ZNF578: variants seen among roughly 807,000 people sequenced by gnomAD.
ZNF578 encodes the protein zinc finger protein 578, also known as Putative chemokine-related protein B42.
Under a neutral mutation model 8.3 loss-of-function variants are expected in ZNF578, and 8 were observed. The observed-to-expected ratio is 0.96, with a 90% CI of 0.56 to 1.74. The LOEUF is 1.74. Among genes scored for constraint, ZNF578 ranks in the 40% most tolerant of loss-of-function variants. The pLI, the probability that ZNF578 is intolerant of heterozygous loss-of-function variation, is 0.00. For synonymous variants in ZNF578, 206 were observed against 232.2 expected (o/e 0.89, Z 1.03); for missense variants, 726 against 707.5 (o/e 1.03, Z -0.30).
At chr19:52,458,273 G>GA (rs1366528464) in intron 2 of ZNF578, 1 of 152,288 alleles carries the variant, frequency 6.6e-6, no homozygotes, top group African/African-American at 2.4e-5. Flanking sequence ...TATTCCTGCA[G>GA]AGACTCTTGT....
At chr19:52,475,565 G>A (rs1453328139) in intron 2 of ZNF578, among the ~76,000 whole-genome samples, 2 of 152,004 alleles carry the variant, frequency 1.3e-5, no homozygotes, top group Admixed American at 6.6e-5. Flanking sequence ...CACCATGTTG[G>A]TCAGGCTGGT....
chr19:52,486,419 T>G (rs1050104085), intron 2 of ZNF578, among the ~76,000 whole-genome samples: 2 of 152,174 alleles, frequency 1.3e-5, no homozygotes, highest in Non-Finnish European at 2.9e-5. Context: ...CTCTATACTT[T>G]GTCTCTTTCT....
At chr19:52,461,464 A>G (rs2059257719) in intron 2 of ZNF578, among the ~76,000 whole-genome samples, 1 of 152,160 alleles carries the variant, frequency 6.6e-6, no homozygotes, top group South Asian at 2.1e-4. Flanking sequence ...GAGGAATGTA[A>G]AGCAATTCCA....
chr19:52,476,652 G>A (rs1385197309), intron 2 of ZNF578, among the ~76,000 whole-genome samples: 2 of 152,148 alleles, frequency 1.3e-5, no homozygotes, highest in Non-Finnish European at 2.9e-5. Context: ...CCCATAAATT[G>A]ATAGCTATAT....
chr19:52,516,023 T>G lies in ZNF578; in HGVS notation c.*3869T>G, dbSNP rs2059473944. ...GCAGGGCCCCTGCCAGTGTCCAGCC[T>G]CCTCCTGGCAGCTTGCCCTCATCTC... is the stretch of plus-strand genomic sequence containing the variant. On this transcript the variant is annotated 3_prime_UTR_variant, in exon 6 of 6. Coordinates refer to ENST00000421239, the MANE Select transcript of ZNF578 (RefSeq NM_001099694.2). Among the ~76,000 whole-genome samples the G allele has an allele frequency of 6.6e-6, 1 of 152,032 alleles. No homozygotes were observed. Among genetic ancestry groups the G allele is most frequent in the Non-Finnish European group, 1.5e-5 (1 of 68,020 alleles).
rs779406420 is a variant in ZNF578 at position 52,501,958 on chromosome 19, TGTA to T, written c.63+57_63+59del. ...TAATCTGTCTCTTTCCTTTCTGAAG[TGTA>T]GTAGTATTATATTGTATTGTAGTAA... On this transcript the variant is annotated intron_variant, in intron 4 of 5. Transcript: ENST00000421239. 4.4e-6 allele frequency: 7 copies of T among 1,597,634 alleles called. No homozygotes were observed. In the South Asian group the frequency reaches 6.7e-5, roughly 15 times the overall value.
At chr19:52,483,702 T>C (rs4802962) in intron 2 of ZNF578, among the ~76,000 whole-genome samples, 92,515 of 152,084 alleles carry the variant, frequency 0.61, 28,273 homozygotes, top group African/African-American at 0.64. Context: ...CACAGTTAAC[T>C]AGGTAACTAA....
At chr19:52,491,095 C>CA (rs1265283822) in intron 2 of ZNF578, among the ~76,000 whole-genome samples, 1 of 152,098 alleles carries the variant, frequency 6.6e-6, no homozygotes, top group East Asian at 1.9e-4. Flanking sequence ...TGTGCCCTGT[C>CA]AGAGTTTTGT....
At chr19:52,488,139 C>T (rs983699282) in intron 2 of ZNF578, among the ~76,000 whole-genome samples, 7 of 151,956 alleles carry the variant, frequency 4.6e-5, no homozygotes, top group Non-Finnish European at 8.8e-5. Context: ...TTAGTAGAGA[C>T]GAGGTTTCAT....
At chr19:52,503,605 A>G (rs112111809) in intron 4 of ZNF578, among the ~76,000 whole-genome samples, 25,499 of 152,052 alleles carry the variant, frequency 0.17, 2,631 homozygotes, top group Non-Finnish European at 0.23. Flanking sequence ...CGGTCTCCCA[A>G]GTGCTGGGAT....
At chr19:52,508,893 ATTTTTTTTTTTTT>A (rs869062581) in intron 5 of ZNF578, among the ~76,000 whole-genome samples, 1 of 82,046 alleles carries the variant, frequency 1.2e-5, no homozygotes, top group Non-Finnish European at 2.2e-5. Flanking sequence ...CTATTAGTCA[ATTTTTTTTTTTTT>A]TTTTTTTTTT....
At chr19:52,473,005 C>G (rs1293445863) in intron 2 of ZNF578, among the ~76,000 whole-genome samples, 2 of 152,170 alleles carry the variant, frequency 1.3e-5, no homozygotes, top group African/African-American at 4.8e-5. Context: ...TGAGTTATTT[C>G]TTGCATAAGT....
intron 2 of ZNF578, among the ~76,000 whole-genome samples, chr19:52,481,684 G>C (rs1322000342): frequency 6.6e-6 from 1 of 152,084 alleles, no homozygotes; most frequent in Non-Finnish European, 1.5e-5. Flanking sequence ...AGGAAATGGG[G>C]AAGTGAAGTG....
At chr19:52,503,687 T>C (rs781121) in intron 4 of ZNF578, among the ~76,000 whole-genome samples, 98,777 of 152,048 alleles carry the variant, frequency 0.65, 33,353 homozygotes, top group African/African-American at 0.84. Flanking sequence ...GAAAGCCATT[T>C]GACTTTGTCC....
chr19:52,480,725 G>A lies in ZNF578; in HGVS notation c.-121-10599G>A, dbSNP rs887044238. On this transcript the variant is annotated intron_variant, in intron 2 of 5. Transcript: ENST00000421239. The stretch of plus-strand genomic sequence containing the variant: ...AGCGTGGCCAAGATGGTGAAACCCC[G>A]TCTCTACCAAAAATAACAAAAATTA... 7.3e-5 allele frequency among the ~76,000 whole-genome samples: 11 copies of A among 151,682 alleles called. No homozygotes were observed. In the East Asian group the frequency reaches 1.4e-3, roughly 19 times the overall value.
In ZNF578 at chr19:52,511,052, T is replaced by C. The variant is rs377368105; in HGVS notation, c.671T>C (p.Val224Ala). ...HSSLLTQKQE[V>A]HMREKSFQCN... ...TCATTACTCACACAAAAACAGGAAG[T>C]ACACATGAGAGAAAAATCTTTCCAA... The change falls in exon 6 of 6, where the codon GTA becomes GCA. Residue 224 changes from valine (V) to alanine (A), a missense_variant. Physicochemically the swap from Val to Ala is moderately conservative, Grantham distance 64 (BLOSUM62 0). Transcript: ENST00000421239. 164 of 1,614,094 alleles carry C rather than the reference T, an allele frequency of 1.0e-4. No homozygotes were observed. Among genetic ancestry groups the C allele is most frequent in the Non-Finnish European group, 1.3e-4 (158 of 1,180,040 alleles).
chr19:52,495,001 GT>G (rs151328567), intron 3 of ZNF578, among the ~76,000 whole-genome samples: 6 of 148,758 alleles, frequency 4.0e-5, no homozygotes, highest in South Asian at 2.1e-4. Context: ...CCAGCTAGTT[GT>G]TTTTTTTTTC....
At chr19:52,476,506 A>G (rs1015732595) in intron 2 of ZNF578, among the ~76,000 whole-genome samples, 2 of 152,140 alleles carry the variant, frequency 1.3e-5, no homozygotes, top group South Asian at 2.1e-4. Context: ...CCAGTTTCTC[A>G]TATCGGGTTA....
intron 3 of ZNF578, among the ~76,000 whole-genome samples, chr19:52,494,066 A>T (rs1055584331): frequency 1.3e-5 from 2 of 151,990 alleles, no homozygotes; most frequent in South Asian, 2.1e-4. Flanking sequence ...GGAAGAATGG[A>T]ATAAATAGCA....
Sources: gnomAD v4.1 joint callset for allele counts (sites outside exome capture counted in the v4.1 genomes callset) on GRCh38, gnomAD v4.1.1 for gene constraint, MANE v1.5 for transcripts, NCBI Gene and HGNC (gene_info 2026-07-23, HGNC 2026-07-21) for gene names.